Variants in C2orf76 observed in about 807,000 individuals in gnomAD.
C2orf76 encodes UPF0538 protein C2orf76.
In C2orf76, 23 loss-of-function variants were observed where a neutral mutation model predicts 16.9. The observed-to-expected ratio is 1.36, with a 90% confidence interval of 0.98 to 1.93. The LOEUF is 1.93. Among genes scored for constraint, C2orf76 ranks in the 30% most tolerant of loss-of-function variants. The pLI is 0.00. For missense variants in C2orf76, 152 were observed against 152.6 expected, an observed-to-expected ratio of 1.00 and a Z score of 0.02; for synonymous variants, 48 against 52.3, an observed-to-expected ratio of 0.92 and a Z score of 0.35.
intron 1 of C2orf76, among the ~76,000 whole-genome samples, chr2:119,348,803 C>T (rs1162953346): frequency 6.6e-6 from 1 of 152,214 alleles, no homozygotes; most frequent in East Asian, 1.9e-4. Context: ...AACAGACCAG[C>T]CTGGGCAACA....
chr2:119,308,655 A>T lies in C2orf76; in HGVS notation c.304+2967T>A, dbSNP rs116032777. ...GACTCTGGTCTCAAAACAAAAACAA[A>T]AACAAAAAAACCCAAACAATAATGG... On this transcript the variant is annotated intron_variant, in intron 5 of 5. Coordinates refer to ENST00000334816, the MANE Select transcript of C2orf76 (RefSeq NM_001322331.2). Among the ~76,000 whole-genome samples the T allele has an allele frequency of 2.2e-3, 335 of 152,250 alleles. 1 individual carries two copies. Among genetic ancestry groups the T allele is most frequent in the African/African-American group, 7.7e-3 (319 of 41,552 alleles).
At chr2:119,329,163 C>T (rs1480392898) in intron 2 of C2orf76, among the ~76,000 whole-genome samples, 2 of 152,188 alleles carry the variant, frequency 1.3e-5, no homozygotes, top group East Asian at 3.8e-4. Context: ...TTCCATTCCT[C>T]TATTTCTTCC....
At chr2:119,329,630 C>T (rs899819120) in intron 2 of C2orf76, among the ~76,000 whole-genome samples, 1 of 151,996 alleles carries the variant, frequency 6.6e-6, no homozygotes, top group African/African-American at 2.4e-5. Context: ...AGCTCATTAG[C>T]TGTAACCCTT....
chr2:119,347,488 G>T (rs1271449522), intron 1 of C2orf76, among the ~76,000 whole-genome samples: 6 of 152,086 alleles, frequency 3.9e-5, no homozygotes, highest in South Asian at 2.1e-4. Flanking sequence ...TATCTTAAAA[G>T]ACTGAGGAAT....
intron 1 of C2orf76, among the ~76,000 whole-genome samples, chr2:119,348,046 CAAA>C (rs1205382710): frequency 2.8e-4 from 23 of 81,972 alleles, no homozygotes; most frequent in African/African-American, 7.4e-4. Flanking sequence ...GGCTCTGTCT[CAAA>C]AAAAAAAAAA....
intron 1 of C2orf76, among the ~76,000 whole-genome samples, chr2:119,348,757 G>C (rs1680289125): frequency 6.6e-6 from 1 of 151,992 alleles, no homozygotes. Context: ...CACTTTGGAA[G>C]CCCAAGGTGG....
intron 2 of C2orf76, among the ~76,000 whole-genome samples, chr2:119,330,786 T>C (rs1679653849): frequency 8.0e-6 from 1 of 124,730 alleles, no homozygotes; most frequent in Non-Finnish European, 1.7e-5. Flanking sequence ...TTTGTTGCTA[T>C]GTTTTCAAGT....
At chr2:119,334,645 G>A (rs1367458001) in intron 2 of C2orf76, among the ~76,000 whole-genome samples, 2 of 150,886 alleles carry the variant, frequency 1.3e-5, no homozygotes, top group Non-Finnish European at 1.5e-5. Flanking sequence ...AGCCGAGATG[G>A]TGCCACTGCA....
chr2:119,346,000 A>G (rs1009968816), intron 1 of C2orf76, among the ~76,000 whole-genome samples: 1 of 146,124 alleles, frequency 6.8e-6, no homozygotes, highest in Non-Finnish European at 1.5e-5. Context: ...GCTTGCAGTG[A>G]GCAGAGATCG....
chr2:119,338,842 G>A (rs1386768082), intron 2 of C2orf76: 1 of 152,114 alleles, frequency 6.6e-6, no homozygotes, highest in African/African-American at 2.4e-5. Context: ...ATAACATCAA[G>A]GTTGCTTGAC....
chr2:119,346,602 G>C (rs1324299550), intron 1 of C2orf76, among the ~76,000 whole-genome samples: 1 of 152,144 alleles, frequency 6.6e-6, no homozygotes, highest in Non-Finnish European at 1.5e-5. Context: ...TTACAGAAAT[G>C]AAGAATGCAT....
At chr2:119,303,996 A>T (rs1484152263) in intron 5 of C2orf76, among the ~76,000 whole-genome samples, 1 of 152,234 alleles carries the variant, frequency 6.6e-6, no homozygotes, top group African/African-American at 2.4e-5. Context: ...AGAAAGTGGC[A>T]TCTAAAAGAA....
intron 5 of C2orf76, among the ~76,000 whole-genome samples, chr2:119,305,425 C>T (rs548484949): frequency 6.6e-6 from 1 of 152,250 alleles, no homozygotes; most frequent in African/African-American, 2.4e-5. Context: ...AACTCTTAAA[C>T]TAATTTATCT....
intron 2 of C2orf76, among the ~76,000 whole-genome samples, chr2:119,334,528 T>TA (rs1383498579): frequency 6.6e-6 from 1 of 150,920 alleles, no homozygotes; most frequent in Non-Finnish European, 1.5e-5. Flanking sequence ...CCGTCTCTAC[T>TA]AAAAATAAAA....
the C2orf76 span, among the ~76,000 whole-genome samples, chr2:119,289,257 A>G: frequency 6.6e-6 from 1 of 152,066 alleles, no homozygotes; most frequent in Non-Finnish European, 1.5e-5. Context: ...AGGTAGGGAC[A>G]TACTGTACTC....
At chr2:119,351,161 T>C (rs1216288581) in intron 1 of C2orf76, among the ~76,000 whole-genome samples, 3 of 152,218 alleles carry the variant, frequency 2.0e-5, no homozygotes, top group African/African-American at 7.2e-5. Context: ...GTTTCATGCA[T>C]GTTTCTGTTG....
intron 3 of C2orf76, among the ~76,000 whole-genome samples, chr2:119,318,943 T>C (rs756841026): frequency 4.0e-5 from 6 of 151,854 alleles, no homozygotes; most frequent in Non-Finnish European, 7.4e-5. Flanking sequence ...CCATAATTGC[T>C]AAAAATAAGC....
intron 2 of C2orf76, among the ~76,000 whole-genome samples, chr2:119,337,646 C>T (rs996209489): frequency 6.6e-5 from 10 of 152,124 alleles, no homozygotes; most frequent in South Asian, 4.1e-4. Flanking sequence ...AATCAGATGA[C>T]AAAGATAGGC....
chr2:119,316,312 G>A (rs996686490), intron 4 of C2orf76, among the ~76,000 whole-genome samples: 1 of 152,134 alleles, frequency 6.6e-6, no homozygotes, highest in African/African-American at 2.4e-5. Context: ...GACATTTTGA[G>A]GCATTTCACA....
Sources: gnomAD v4.1 joint callset for allele counts (sites outside exome capture counted in the v4.1 genomes callset) on GRCh38, gnomAD v4.1.1 for gene constraint, MANE v1.5 for transcripts, NCBI Gene and HGNC (gene_info 2026-07-23, HGNC 2026-07-21) for gene names.